TMEM92: variants seen among roughly 807,000 people sequenced by gnomAD.
TMEM92 encodes transmembrane protein 92.
Under a neutral mutation model 14.6 loss-of-function variants are expected in TMEM92, and 15 were observed. The ratio of observed to expected loss-of-function variants is 1.03; its 90% CI spans 0.69 to 1.58. The LOEUF (loss-of-function observed/expected upper bound fraction) is 1.58. Among genes scored for constraint, TMEM92 ranks in the 40% most tolerant of loss-of-function variants. The pLI, the probability that TMEM92 is intolerant of heterozygous loss-of-function variation, is 0.00. For missense variants in TMEM92, 174 were observed against 202.4 expected (o/e 0.86, Z 0.85); for synonymous variants, 85 against 83.3 (o/e 1.02, Z -0.11).
intron 2 of TMEM92, 150 bp downstream of exon 2, chr17:50,277,890 C>CTGGG: frequency 9.9e-7 from 1 of 1,006,112 alleles, no homozygotes; most frequent in Non-Finnish European, 1.5e-6. Context: ...CTTTCCCAGC[C>CTGGG]AAAGAGGGAG....
At chr17:50,274,292 C>T (rs1308185481), upstream of TMEM92, 4 of 580,832 alleles carry the variant, frequency 6.9e-6, no homozygotes, top group Admixed American at 3.2e-5. Flanking sequence ...ATCCGTTAAT[C>T]TCTTCTACCT....
chr17:50,276,226 C>T (rs548991231), intron 1 of TMEM92, among the ~76,000 whole-genome samples: 1 of 152,318 alleles, frequency 6.6e-6, no homozygotes, highest in South Asian at 2.1e-4. Flanking sequence ...AAGCAATCCA[C>T]CCACCTCAGC....
At position 50,274,515 on chromosome 17, in the gene TMEM92, G is replaced by T; in HGVS notation, c.14G>T (p.Trp5Leu). The T allele has an allele frequency of 6.2e-7, 1 of 1,613,980 alleles. No homozygotes were observed. The highest frequency in any genetic ancestry group is 8.5e-7 in the Non-Finnish European group (1 of 1,179,924). The change falls in exon 1 of 5, where the codon TGG (tryptophan) becomes TTG (leucine). Residue 5 changes from tryptophan to leucine, a missense_variant. Physicochemically the swap from Trp to Leu is moderately conservative, Grantham distance 61 (BLOSUM62 -2). Transcript: ENST00000507382. The stretch of plus-strand genomic sequence containing the variant: ...CCCCAAGCCAGGATGTCCCAAGCTT[G>T]GGTCCCCGGCCTCGCGCCCACCTTG... MSQA[W>L]VPGLAPTLLF...
chr17:50,274,428 T>A, upstream of TMEM92: 1 of 1,537,672 alleles, frequency 6.5e-7, no homozygotes, highest in Non-Finnish European at 9.0e-7. Flanking sequence ...CGGGGCCCCA[T>A]AGGTGGAGAG....
chr17:50,276,633 C>A lies in TMEM92; in HGVS notation c.70-1082C>A, dbSNP rs1280941295. ...GGTGAGAGATGCCCTTCCCCACCAC[C>A]CATTTCCTATGTTCTGGCACCTACA... On this transcript the variant is annotated intron_variant, in intron 1 of 4. Coordinates refer to ENST00000507382, the MANE Select transcript of TMEM92 (RefSeq NM_153229.3). Among the ~76,000 whole-genome samples the A allele has an allele frequency of 2.0e-5, 3 of 152,302 alleles. No individual in the cohort carries two copies. In the East Asian group the frequency reaches 5.8e-4, roughly 29 times the overall value.
intron 1 of TMEM92, chr17:50,274,986 G>A (rs1910379347): frequency 5.6e-6 from 1 of 177,160 alleles, no homozygotes; most frequent in Admixed American, 6.1e-5. Context: ...ACCCTCTTTG[G>A]GACTGTGTCT....
upstream of TMEM92, chr17:50,274,416 G>C (rs1465331381): frequency 4.1e-6 from 6 of 1,453,368 alleles, no homozygotes; most frequent in Non-Finnish European, 5.7e-6. Flanking sequence ...CCCATCCCGA[G>C]GCGGGGCCCC....
chr17:50,273,948 C>T (rs961158410), upstream of TMEM92, among the ~76,000 whole-genome samples: 6 of 151,494 alleles, frequency 4.0e-5, no homozygotes, highest in African/African-American at 1.5e-4. Context: ...TGGAGTTGAT[C>T]CCACCTCTTT....
rs565269028 is a variant in TMEM92, at chr17:50,277,737, T to A, written c.92T>A (p.Ile31Asn). ...CAGATTGCAGCCAAATGTGGTCTCA[T>A]CCTGTAAGTCTAGAGGCCATAACTT... ...PQKIAAKCGL[I>N]LACPKGFKCC... is the part of the protein sequence containing the mutation. Residue 31 changes from isoleucine (I) to asparagine (N), a missense_variant, in exon 2 of 5, where the codon ATC (isoleucine) becomes AAC (asparagine). By Grantham distance (149) the Ile-to-Asn change is moderately radical. Transcript: ENST00000507382. The A allele has an allele frequency of 1.9e-6, 3 of 1,613,908 alleles. No homozygotes were observed. The South Asian group carries it at 3.3e-5, about 18-fold the overall frequency.
chr17:50,272,848 T>G (rs1910293045), upstream of TMEM92, among the ~76,000 whole-genome samples: 4 of 138,992 alleles, frequency 2.9e-5, no homozygotes, highest in African/African-American at 5.4e-5. Context: ...CAGACAGAGG[T>G]GAACAGAGAG....
intron 1 of TMEM92, 141 bp from the exon 2 acceptor site, chr17:50,277,573 GT>G (rs1262682987): frequency 3.3e-6 from 3 of 918,742 alleles, no homozygotes; most frequent in Non-Finnish European, 5.2e-6. Context: ...GTGGAGTGAG[GT>G]GGGGGGTGGC....
At chr17:50,274,438 G>C (rs1280834110), upstream of TMEM92, 1 of 1,574,010 alleles carries the variant, frequency 6.4e-7, no homozygotes, top group Non-Finnish European at 8.7e-7. Flanking sequence ...TAGGTGGAGA[G>C]AAGTGGGAGA....
upstream of TMEM92, among the ~76,000 whole-genome samples, chr17:50,274,255 A>G (rs1487988065): frequency 6.6e-6 from 1 of 152,156 alleles, no homozygotes; most frequent in South Asian, 2.1e-4. Context: ...GGCGTGAGCC[A>G]CCGCGCCCGG....
rs1910356963 is a variant in TMEM92, at chr17:50,274,495, A to G, written c.-7A>G. Reference sequence around the variant, plus strand: ...ACACAGGAAAGCTCAGTGGCCCCCAAGCCAGGATGTCCCAAGCTTGGGTCC... The same window carrying G: ...ACACAGGAAAGCTCAGTGGCCCCCAGGCCAGGATGTCCCAAGCTTGGGTCC... On this transcript the variant is annotated 5_prime_UTR_variant, in exon 1 of 5. Transcript: ENST00000507382. The G allele has an allele frequency of 1.2e-6, 2 of 1,613,906 alleles. No homozygotes were observed. Among genetic ancestry groups the G allele is most frequent in the Non-Finnish European group, 1.7e-6 (2 of 1,179,864 alleles).
Position 50,279,245 on chromosome 17 carries a change from C to T in TMEM92, c.417C>T (p.Pro139=), listed in dbSNP as rs774214371. 6.2e-7 allele frequency: 1 copy of T among 1,613,936 alleles called. No homozygotes were observed. The highest frequency in any genetic ancestry group is 1.1e-5 in the South Asian group (1 of 91,076). The change falls in exon 5 of 5, where the codon CCC becomes CCT. Residue 139 remains proline, a synonymous_variant. Coordinates refer to ENST00000507382, the MANE Select transcript of TMEM92 (RefSeq NM_153229.3). ...CAACTCCCACAGAGCCACCCCCTCCCTACAGCTTCAGGCCTGAAGAATATA... is the reference window on the plus strand; with the variant it reads ...CAACTCCCACAGAGCCACCCCCTCCTTACAGCTTCAGGCCTGAAGAATATA... The part of the protein sequence containing the change: ...LGPTPTEPPP[P]YSFRPEEYTG...
At position 50,274,496 on chromosome 17, in the gene TMEM92, G is replaced by C. The variant is rs1598328698; in HGVS notation, c.-6G>C. The C allele has an allele frequency of 6.2e-6, 10 of 1,613,884 alleles. No homozygotes were observed. The East Asian group carries it at 2.2e-4, about 36-fold the overall frequency. On this transcript the variant is annotated 5_prime_UTR_variant, in exon 1 of 5. Coordinates refer to ENST00000507382, the MANE Select transcript of TMEM92 (RefSeq NM_153229.3). The stretch of plus-strand genomic sequence containing the variant: ...CACAGGAAAGCTCAGTGGCCCCCAA[G>C]CCAGGATGTCCCAAGCTTGGGTCCC...
At chr17:50,272,022 A>AT (rs529933081), upstream of TMEM92, among the ~76,000 whole-genome samples, 2,437 of 152,100 alleles carry the variant, frequency 0.016, 72 homozygotes, top group African/African-American at 0.055. Flanking sequence ...GTTCTCAAAA[A>AT]ATATATATAT....
upstream of TMEM92, among the ~76,000 whole-genome samples, chr17:50,273,732 T>C (rs1910326775): frequency 6.6e-6 from 1 of 152,098 alleles, no homozygotes; most frequent in Non-Finnish European, 1.5e-5. Context: ...CCCCCAACCA[T>C]AACCCCTCAA....
rs1190640618 is a variant in TMEM92, at chr17:50,279,240, C to G, written c.412C>G (p.Pro138Ala). The G allele has an allele frequency of 8.7e-6, 14 of 1,613,776 alleles. No individual in the cohort carries two copies. Among genetic ancestry groups the G allele is most frequent in the Middle Eastern group, 1.6e-4 (1 of 6,082 alleles). ...GGGCCCAACTCCCACAGAGCCACCCCCTCCCTACAGCTTCAGGCCTGAAGA... is the reference window on the plus strand; with the variant it reads ...GGGCCCAACTCCCACAGAGCCACCCGCTCCCTACAGCTTCAGGCCTGAAGA... ...SLGPTPTEPP[P>A]PYSFRPEEYT... is the part of the protein sequence containing the mutation. The change falls in exon 5 of 5, where the codon CCT (proline) becomes GCT (alanine). Residue 138 changes from proline to alanine, a missense_variant. Physicochemically the swap from Pro to Ala is conservative, Grantham distance 27. Coordinates refer to ENST00000507382, the MANE Select transcript of TMEM92 (RefSeq NM_153229.3).
Sources: allele counts gnomAD v4.1 joint callset (sites outside exome capture counted in the v4.1 genomes callset), GRCh38; gene constraint gnomAD v4.1.1; transcripts MANE v1.5; gene names NCBI Gene and HGNC (gene_info 2026-07-23, HGNC 2026-07-21).